DNAH11: variants seen among roughly 807,000 people sequenced by gnomAD.
DNAH11 encodes axonemal beta dynein heavy chain 11.
Under a neutral mutation model 526.0 loss-of-function variants are expected in DNAH11, and 442 were observed. The ratio of observed to expected loss-of-function variants is 0.84; its 90% confidence interval spans 0.78 to 0.91. The LOEUF is 0.91. DNAH11 is among the 40% of genes least tolerant of loss of function. DNAH11 has a pLI of 0.00. For synonymous variants in DNAH11, 2,461 were observed against 1,935.9 expected, an observed-to-expected ratio of 1.27 and a Z score of -7.12; for missense variants, 6,989 against 5,448.7, an observed-to-expected ratio of 1.28 and a Z score of -8.90.
chr7:21,773,950 A>G lies in DNAH11; in HGVS notation c.9287A>G (p.Lys3096Arg). The G allele has an allele frequency of 6.3e-7, 1 of 1,587,514 alleles. No individual in the cohort carries two copies. Among genetic ancestry groups the G allele is most frequent in the Non-Finnish European group, 8.6e-7 (1 of 1,166,840 alleles). Residue 3096 changes from lysine (K) to arginine (R), a missense_variant, in exon 56 of 82, where the codon AAA (lysine) becomes AGA (arginine). Lys to Arg is a conservative substitution (Grantham distance 26). Coordinates refer to ENST00000409508, the MANE Select transcript of DNAH11 (RefSeq NM_001277115.2). ...AAGCAAAATGAGGTATCCGAGAAAA[A>G]AGAACGCCTGGTGAACGGCATCCAA... Reference protein sequence around the residue: ...KKKQNEVSEKKERLVNGIQKL... With the variant: ...KKKQNEVSEKRERLVNGIQKL...
intron 9 of DNAH11, 135 bp from the exon 10 acceptor site, chr7:21,587,929 C>T: frequency 1.4e-6 from 1 of 740,494 alleles, no homozygotes; most frequent in South Asian, 3.5e-5. Flanking sequence ...ATACATTTTA[C>T]ATTTTGAAGC....
rs943249449 is a variant in DNAH11, at chr7:21,858,705, G to C, written c.11203-3148G>C. Among the ~76,000 whole-genome samples, 14 of 152,202 alleles carry C rather than the reference G, an allele frequency of 9.2e-5. 2 individuals carry two copies. The highest frequency in any genetic ancestry group is 8.5e-4 in the Admixed American group (13 of 15,274). On this transcript the variant is annotated intron_variant, in intron 68 of 81. Coordinates refer to ENST00000409508, the MANE Select transcript of DNAH11 (RefSeq NM_001277115.2). The stretch of plus-strand genomic sequence containing the variant: ...GACAGAGGCAGGTCAGTAATTGACT[G>C]GGGCTGGCGATGGTGGTGGGAATAG...
chr7:21,631,033 T>G (rs1030304762), intron 25 of DNAH11, among the ~76,000 whole-genome samples: 1 of 152,070 alleles, frequency 6.6e-6, no homozygotes, highest in Non-Finnish European at 1.5e-5. Flanking sequence ...AAGAAAGAGG[T>G]TTATTGGACT....
At chr7:21,734,906 T>C (rs964333235) in intron 45 of DNAH11, among the ~76,000 whole-genome samples, 2 of 151,348 alleles carry the variant, frequency 1.3e-5, no homozygotes, top group African/African-American at 4.9e-5. Context: ...GTGCAGTGGC[T>C]CAAGCCTGTA....
chr7:21,840,287 A>G (rs1201300960), intron 65 of DNAH11, among the ~76,000 whole-genome samples: 1 of 152,264 alleles, frequency 6.6e-6, no homozygotes, highest in Non-Finnish European at 1.5e-5. Flanking sequence ...ATTCAGTGAA[A>G]TAACATCTCA....
At chr7:21,806,779 C>A (rs1391387193) in intron 62 of DNAH11, among the ~76,000 whole-genome samples, 3 of 152,138 alleles carry the variant, frequency 2.0e-5, no homozygotes, top group African/African-American at 7.2e-5. Flanking sequence ...TTCAGTCAAT[C>A]CATACATATT....
At chr7:21,658,694 C>A (rs1782119773) in intron 29 of DNAH11, 104 bp from the exon 30 acceptor site, 3 of 856,454 alleles carry the variant, frequency 3.5e-6, no homozygotes, top group African/African-American at 1.7e-5. Context: ...TAAAATGAAT[C>A]CACCTGGGGC....
At chr7:21,635,823 A>C (rs768583337) in intron 25 of DNAH11, 48 bp from the exon 26 acceptor site, 5 of 1,483,256 alleles carry the variant, frequency 3.4e-6, no homozygotes. Context: ...TAGCACTCAC[A>C]TTCTACTAAA....
chr7:21,800,600 C>T (rs1364049484), intron 61 of DNAH11, among the ~76,000 whole-genome samples: 3 of 152,070 alleles, frequency 2.0e-5, no homozygotes, highest in African/African-American at 7.3e-5. Flanking sequence ...CCATCGCATC[C>T]AGCCTGAGCA....
At chr7:21,761,208 A>C (rs1786887903) in intron 54 of DNAH11, among the ~76,000 whole-genome samples, 1 of 152,196 alleles carries the variant, frequency 6.6e-6, no homozygotes, top group Non-Finnish European at 1.5e-5. Flanking sequence ...GGCAGGAGAA[A>C]TTTTATGCTC....
At chr7:21,571,187 T>G (rs1783873500) in intron 7 of DNAH11, among the ~76,000 whole-genome samples, 1 of 152,184 alleles carries the variant, frequency 6.6e-6, no homozygotes, top group South Asian at 2.1e-4. Flanking sequence ...GGATATTACC[T>G]GGGGATCTGA....
chr7:21,665,388 G>T (rs1782385164), intron 30 of DNAH11, among the ~76,000 whole-genome samples: 1 of 152,110 alleles, frequency 6.6e-6, no homozygotes, highest in South Asian at 2.1e-4. Flanking sequence ...GCCTTGTATA[G>T]ACATGTTACA....
At chr7:21,662,364 CAT>C (rs1444285548) in intron 30 of DNAH11, among the ~76,000 whole-genome samples, 1 of 152,128 alleles carries the variant, frequency 6.6e-6, no homozygotes, top group African/African-American at 2.4e-5. Context: ...TTCTTTATAA[CAT>C]GTCATTTATC....
At chr7:21,648,008 A>G (rs1173736077) in intron 28 of DNAH11, among the ~76,000 whole-genome samples, 2 of 152,192 alleles carry the variant, frequency 1.3e-5, no homozygotes, top group East Asian at 3.9e-4. Context: ...ACTAGAAAAA[A>G]TTGGAGCATT....
At chr7:21,797,923 C>T in intron 61 of DNAH11, among the ~76,000 whole-genome samples, 1 of 152,208 alleles carries the variant, frequency 6.6e-6, no homozygotes, top group Non-Finnish European at 1.5e-5. Flanking sequence ...GCTGAATGTG[C>T]TGTGCCATAT....
intron 25 of DNAH11, among the ~76,000 whole-genome samples, chr7:21,631,886 C>T (rs1475593221): frequency 6.6e-6 from 1 of 152,202 alleles, no homozygotes; most frequent in Non-Finnish European, 1.5e-5. Flanking sequence ...CCAGTTGGGA[C>T]TTTGTGTGGG....
chr7:21,812,878 A>G (rs1161198253), intron 63 of DNAH11, among the ~76,000 whole-genome samples: 2 of 152,172 alleles, frequency 1.3e-5, no homozygotes, highest in East Asian at 1.9e-4. Context: ...AAGCTCTCTC[A>G]TAAGTCCAGT....
chr7:21,711,986 A>AT, intron 42 of DNAH11, 126 bp downstream of exon 42: 1 of 1,140,604 alleles, frequency 8.8e-7, no homozygotes, highest in Non-Finnish European at 1.2e-6. Context: ...CTCTGGAAGG[A>AT]TTTTATCTTC....
intron 65 of DNAH11, among the ~76,000 whole-genome samples, chr7:21,828,943 C>G (rs1463490139): frequency 1.3e-5 from 2 of 152,194 alleles, no homozygotes; most frequent in South Asian, 2.1e-4. Context: ...TTCTTTCCTT[C>G]TTTTCCTTGA....
Sources: allele counts gnomAD v4.1 joint callset (sites outside exome capture counted in the v4.1 genomes callset), GRCh38; gene constraint gnomAD v4.1.1; transcripts MANE v1.5; gene names NCBI Gene and HGNC (gene_info 2026-07-23, HGNC 2026-07-21).